SNX29: variants seen among roughly 807,000 people sequenced by gnomAD.
The protein encoded by SNX29 is sorting nexin 29.
Under a neutral mutation model 102.1 loss-of-function variants are expected in SNX29, and 78 were observed. That is an observed-to-expected ratio of 0.76 (90% CI 0.64 to 0.92). SNX29 has a LOEUF of 0.92. SNX29 is among the 40% of genes least tolerant of loss of function. The pLI, the probability that SNX29 is intolerant of heterozygous loss-of-function variation, is 0.00. For synonymous variants in SNX29, 580 were observed against 414.5 expected (o/e 1.40, Z -4.85); for missense variants, 1,280 against 1,061.7 (o/e 1.21, Z -2.86).
intron 18 of SNX29, among the ~76,000 whole-genome samples, chr16:12,458,109 T>C (rs2086617350): frequency 6.6e-6 from 1 of 152,194 alleles, no homozygotes; most frequent in African/African-American, 2.4e-5. Flanking sequence ...AGACTGTGCA[T>C]CTGTAGATGG....
At chr16:12,047,262 G>C (rs1041546798) in intron 6 of SNX29, among the ~76,000 whole-genome samples, 1 of 152,140 alleles carries the variant, frequency 6.6e-6, no homozygotes, top group Admixed American at 6.5e-5. Context: ...TACGTTGTTC[G>C]CCCTTTGACT....
At chr16:12,082,625 GA>G (rs1361780185) in intron 11 of SNX29, among the ~76,000 whole-genome samples, 1 of 152,152 alleles carries the variant, frequency 6.6e-6, no homozygotes, top group Non-Finnish European at 1.5e-5. Context: ...GACATATCCA[GA>G]GCTTATACCT....
chr16:12,328,466 C>T (rs933422199), intron 15 of SNX29, among the ~76,000 whole-genome samples: 5 of 152,204 alleles, frequency 3.3e-5, no homozygotes, highest in African/African-American at 1.2e-4. Flanking sequence ...CTCTTAGAAG[C>T]ACAGGCTATG....
At chr16:12,010,675 T>G (rs757259656) in intron 3 of SNX29, among the ~76,000 whole-genome samples, 1 of 151,864 alleles carries the variant, frequency 6.6e-6, no homozygotes, top group Non-Finnish European at 1.5e-5. Context: ...AACTTTCAGG[T>G]GACTGTCAGA....
At chr16:12,497,428 A>C (rs1189417178) in intron 19 of SNX29, among the ~76,000 whole-genome samples, 1 of 152,208 alleles carries the variant, frequency 6.6e-6, no homozygotes, top group African/African-American at 2.4e-5. Context: ...GTGTGGGAGC[A>C]CACGGGAGAG....
intron 20 of SNX29, chr16:12,546,643 C>G (rs942443258): frequency 5.3e-5 from 8 of 152,156 alleles, no homozygotes; most frequent in Non-Finnish European, 1.0e-4. Context: ...TAATTATAAA[C>G]AATTACCAAG....
At chr16:12,088,052 C>T in intron 11 of SNX29, 1 of 456,678 alleles carries the variant, frequency 2.2e-6, no homozygotes, top group Non-Finnish European at 4.4e-6. Flanking sequence ...GCTTGTGTCT[C>T]TAGGCTAGGC....
intron 20 of SNX29, among the ~76,000 whole-genome samples, chr16:12,560,041 A>G (rs76970942): frequency 0.012 from 1,886 of 152,216 alleles, 36 homozygotes; most frequent in African/African-American, 0.042. Context: ...ACAAATACAC[A>G]AAGAAAAATG....
At chr16:12,222,608 AC>A (rs2077507280) in intron 14 of SNX29, among the ~76,000 whole-genome samples, 1 of 152,056 alleles carries the variant, frequency 6.6e-6, no homozygotes, top group Non-Finnish European at 1.5e-5. Flanking sequence ...TCTCTCTGTC[AC>A]CCAGGCTGGA....
intron 13 of SNX29, among the ~76,000 whole-genome samples, chr16:12,167,581 A>G (rs1402309297): frequency 6.6e-6 from 1 of 152,198 alleles, no homozygotes; most frequent in Non-Finnish European, 1.5e-5. Context: ...GCCACCATTA[A>G]GTAATGATGA....
Position 12,573,093 on chromosome 16 carries a change from C to A in SNX29, c.*4464C>A. 1 of 230,242 alleles carries A rather than the reference C, an allele frequency of 4.3e-6. No homozygotes were observed. The allele number at this position is 230,242 out of a possible 1,614,324, so 14.3% of individuals were successfully genotyped here. ...ATCTCATTTCTGTGCCAAGAAAGTT[C>A]ATCTTTATGTTTTTCTAATACACAA... On this transcript the variant is annotated 3_prime_UTR_variant, in exon 21 of 21. Transcript: ENST00000566228.
At chr16:12,539,650 C>G (rs1034476039) in intron 20 of SNX29, among the ~76,000 whole-genome samples, 1 of 152,146 alleles carries the variant, frequency 6.6e-6, no homozygotes, top group Non-Finnish European at 1.5e-5. Context: ...AACTGCATTC[C>G]CACAGCGTAT....
At chr16:12,516,037 G>C (rs966383611) in intron 19 of SNX29, among the ~76,000 whole-genome samples, 9 of 152,156 alleles carry the variant, frequency 5.9e-5, no homozygotes, top group African/African-American at 1.9e-4. Context: ...TTCTCGGCTA[G>C]GCCTAGACGT....
chr16:12,548,759 A>G (rs985003427), intron 20 of SNX29, among the ~76,000 whole-genome samples: 19 of 152,144 alleles, frequency 1.2e-4, no homozygotes, highest in Admixed American at 3.3e-4. Flanking sequence ...TGCTGAGCTC[A>G]TCTCTCATCC....
rs114366619 is a variant in SNX29 at position 12,543,779 on chromosome 16, G to A, written c.2318+18938G>A. Among the ~76,000 whole-genome samples the A allele has an allele frequency of 3.3e-3, 503 of 152,332 alleles. 1 individual carries two copies. Among genetic ancestry groups the A allele is most frequent in the African/African-American group, 0.011 (456 of 41,570 alleles). On this transcript the variant is annotated intron_variant, in intron 20 of 20. Transcript: ENST00000566228. ...ATTTTCCAAGTTTATTTTCCAAGATGTATCTGGTGCTCTAGAGATTTCTCC... is the reference window on the plus strand; with the variant it reads ...ATTTTCCAAGTTTATTTTCCAAGATATATCTGGTGCTCTAGAGATTTCTCC...
At chr16:12,340,854 A>G (rs967906611) in intron 15 of SNX29, among the ~76,000 whole-genome samples, 5 of 152,144 alleles carry the variant, frequency 3.3e-5, no homozygotes, top group Non-Finnish European at 5.9e-5. Flanking sequence ...GTCCCGCTTT[A>G]TAGCCTTTTA....
At chr16:12,356,703 G>A (rs2082146354) in intron 16 of SNX29, among the ~76,000 whole-genome samples, 1 of 152,230 alleles carries the variant, frequency 6.6e-6, no homozygotes, top group Non-Finnish European at 1.5e-5. Context: ...GTGGTTTGAG[G>A]AGTAATCCAC....
chr16:12,319,865 C>T (rs1272666508), intron 15 of SNX29, among the ~76,000 whole-genome samples: 1 of 152,154 alleles, frequency 6.6e-6, no homozygotes, highest in African/African-American at 2.4e-5. Flanking sequence ...TGGAAATTTC[C>T]TGGAAGGCAA....
chr16:12,009,479 G>GTATA (rs111876876), intron 3 of SNX29, among the ~76,000 whole-genome samples: 3,849 of 149,988 alleles, frequency 0.026, 72 homozygotes, highest in Non-Finnish European at 0.039. Flanking sequence ...GTGTGTGTGT[G>GTATA]TATATATATA....
Sources: gnomAD v4.1 joint callset for allele counts (sites outside exome capture counted in the v4.1 genomes callset) on GRCh38, gnomAD v4.1.1 for gene constraint, MANE v1.5 for transcripts, NCBI Gene and HGNC (gene_info 2026-07-23, HGNC 2026-07-21) for gene names.